Variants in CCDC178 observed in about 807,000 individuals in gnomAD.
The protein encoded by CCDC178 is coiled-coil domain containing 178.
A neutral mutation model predicts 117.4 loss-of-function variants in CCDC178; 126 were observed. The ratio of observed to expected loss-of-function variants is 1.07; its 90% confidence interval spans 0.93 to 1.24. CCDC178 has a LOEUF of 1.24. Ranked by LOEUF, CCDC178 falls within the 50% of genes most tolerant of loss-of-function variation. The pLI, the probability that CCDC178 is intolerant of heterozygous loss-of-function variation, is 0.00. For missense variants in CCDC178, 1,030 were observed against 986.9 expected (o/e 1.04, Z -0.59); for synonymous variants, 283 against 313.4 (o/e 0.90, Z 1.02).
At chr18:33,038,314 T>C (rs1038177511) in intron 21 of CCDC178, among the ~76,000 whole-genome samples, 1 of 152,070 alleles carries the variant, frequency 6.6e-6, no homozygotes. Flanking sequence ...TCAGGGAAGC[T>C]TGGAGTTAGA....
intron 20 of CCDC178, among the ~76,000 whole-genome samples, chr18:33,172,654 A>G (rs969766350): frequency 1.3e-5 from 2 of 152,016 alleles, no homozygotes; most frequent in Admixed American, 1.3e-4. Context: ...TTTAGATAGT[A>G]TTTTATTTTT....
At chr18:33,175,922 A>G (rs927890978) in intron 20 of CCDC178, among the ~76,000 whole-genome samples, 7 of 152,032 alleles carry the variant, frequency 4.6e-5, no homozygotes, top group African/African-American at 1.7e-4. Flanking sequence ...TCTCTGATCA[A>G]TTCTCCACTT....
intron 4 of CCDC178, among the ~76,000 whole-genome samples, chr18:33,394,954 T>C (rs1348689418): frequency 2.4e-5 from 3 of 123,656 alleles, no homozygotes; most frequent in African/African-American, 9.1e-5. Context: ...TATATATATA[T>C]ATATATATAT....
chr18:32,960,026 A>G (rs1477335577), intron 22 of CCDC178, among the ~76,000 whole-genome samples: 2 of 152,116 alleles, frequency 1.3e-5, no homozygotes, highest in Non-Finnish European at 1.5e-5. Flanking sequence ...TTAATATGTC[A>G]TTTAACAGAA....
intron 21 of CCDC178, among the ~76,000 whole-genome samples, chr18:33,082,894 A>G (rs994476694): frequency 2.6e-5 from 4 of 152,022 alleles, no homozygotes; most frequent in African/African-American, 9.7e-5. Context: ...AGGTAATAAA[A>G]GTCATTCCTA....
At chr18:33,436,657 G>C (rs2064295481) in intron 2 of CCDC178, among the ~76,000 whole-genome samples, 1 of 152,192 alleles carries the variant, frequency 6.6e-6, no homozygotes, top group Non-Finnish European at 1.5e-5. Context: ...AATTGTTTCA[G>C]AGCAAGATGT....
chr18:33,018,872 G>A (rs2064912296), intron 21 of CCDC178, among the ~76,000 whole-genome samples: 2 of 152,072 alleles, frequency 1.3e-5, no homozygotes, highest in African/African-American at 4.8e-5. Flanking sequence ...TTAAGTGGGT[G>A]AGTTTTATGA....
intron 2 of CCDC178, among the ~76,000 whole-genome samples, chr18:33,418,604 C>T (rs916183599): frequency 5.3e-5 from 8 of 151,876 alleles, no homozygotes; most frequent in Non-Finnish European, 1.2e-4. Context: ...ATAGTCTCTG[C>T]CCAAAAGGCT....
intron 21 of CCDC178, among the ~76,000 whole-genome samples, chr18:33,076,857 C>T (rs961123076): frequency 6.6e-6 from 1 of 152,166 alleles, no homozygotes; most frequent in Non-Finnish European, 1.5e-5. Flanking sequence ...GATGTATACC[C>T]TCACCCTTCA....
chr18:33,087,564 A>G (rs535882751), intron 21 of CCDC178, among the ~76,000 whole-genome samples: 1 of 125,806 alleles, frequency 7.9e-6, no homozygotes, highest in South Asian at 2.5e-4. Flanking sequence ...GGCCAAAGCC[A>G]TTTGTGTGTG....
chr18:33,355,847 A>C (rs1228326493), intron 7 of CCDC178, among the ~76,000 whole-genome samples: 2 of 152,102 alleles, frequency 1.3e-5, no homozygotes, highest in Non-Finnish European at 2.9e-5. Context: ...CTCAAACACA[A>C]TTCTTTGAGA....
intron 21 of CCDC178, among the ~76,000 whole-genome samples, chr18:33,042,402 T>C (rs1459152838): frequency 1.3e-5 from 2 of 151,784 alleles, no homozygotes; most frequent in African/African-American, 2.4e-5. Flanking sequence ...CAAGAAACAA[T>C]AAGATAAATT....
chr18:33,102,151 T>A (rs529206247), intron 20 of CCDC178, among the ~76,000 whole-genome samples: 1 of 151,872 alleles, frequency 6.6e-6, no homozygotes, highest in African/African-American at 2.4e-5. Flanking sequence ...AATAAAAATT[T>A]AAAAAAATTT....
intron 21 of CCDC178, among the ~76,000 whole-genome samples, chr18:33,033,672 T>C (rs2144868926): frequency 6.6e-6 from 1 of 152,200 alleles, no homozygotes; most frequent in Admixed American, 6.6e-5. Context: ...CGCTAATCTT[T>C]CCCAGCCAAG....
In CCDC178 at chr18:33,393,317, T is replaced by A. The variant is rs1224175537; in HGVS notation, c.119-3688A>T. Among the ~76,000 whole-genome samples the A allele has an allele frequency of 2.0e-5, 3 of 152,224 alleles. No individual in the cohort carries two copies. In the South Asian group the frequency reaches 6.2e-4, roughly 31 times the overall value. On this transcript the variant is annotated intron_variant, in intron 4 of 22. Transcript: ENST00000383096. ...CTTATATTTATGTGTGTATGGTGTA[T>A]TTATAATACATAAAAATGTTTTAAT...
chr18:33,240,226 C>T (rs982297391), intron 15 of CCDC178, among the ~76,000 whole-genome samples: 2 of 151,658 alleles, frequency 1.3e-5, no homozygotes, highest in Admixed American at 6.6e-5. Flanking sequence ...TTATAGGGCA[C>T]AGCAAAAGCA....
At chr18:33,384,348 C>A (rs970143655) in intron 5 of CCDC178, among the ~76,000 whole-genome samples, 1 of 152,082 alleles carries the variant, frequency 6.6e-6, no homozygotes, top group African/African-American at 2.4e-5. Context: ...TTTTCAAATT[C>A]AGGAAATCCA....
intron 20 of CCDC178, among the ~76,000 whole-genome samples, chr18:33,147,934 C>T (rs980688195): frequency 1.6e-4 from 25 of 151,922 alleles, no homozygotes; most frequent in African/African-American, 3.6e-4. Context: ...ACTTCCCAGA[C>T]GGGGCGGCCA....
At chr18:33,001,436 C>A (rs186160737) in intron 21 of CCDC178, among the ~76,000 whole-genome samples, 4 of 151,798 alleles carry the variant, frequency 2.6e-5, no homozygotes, top group African/African-American at 7.3e-5. Context: ...TGGCGTGAAC[C>A]GGGGAGGCAG....
Sources: allele counts gnomAD v4.1 joint callset (sites outside exome capture counted in the v4.1 genomes callset), GRCh38; gene constraint gnomAD v4.1.1; transcripts MANE v1.5; gene names NCBI Gene and HGNC (gene_info 2026-07-23, HGNC 2026-07-21).